Variants in COG5 observed in about 807,000 individuals in gnomAD.
COG5 encodes the protein conserved oligomeric Golgi complex subunit 5.
Under a neutral mutation model 110.4 loss-of-function variants are expected in COG5, and 86 were observed. That is an observed-to-expected ratio of 0.78 (90% CI 0.65 to 0.93). The LOEUF (loss-of-function observed/expected upper bound fraction) is 0.93. Ranked by LOEUF, COG5 falls within the 40% of genes least tolerant of loss-of-function variation. COG5 has a pLI of 0.00. For synonymous variants in COG5, 360 were observed against 334.6 expected, an observed-to-expected ratio of 1.08 and a Z score of -0.83; for missense variants, 1,077 against 987.0, an observed-to-expected ratio of 1.09 and a Z score of -1.22.
chr7:107,537,290 G>A (rs143234263), intron 5 of COG5, among the ~76,000 whole-genome samples: 31 of 152,204 alleles, frequency 2.0e-4, no homozygotes, highest in African/African-American at 6.0e-4. Context: ...ACACACACAC[G>A]TATGTTTACT....
chr7:107,356,301 T>C (rs1425308596), intron 10 of COG5, among the ~76,000 whole-genome samples: 2 of 152,262 alleles, frequency 1.3e-5, no homozygotes, highest in African/African-American at 2.4e-5. Flanking sequence ...ATTTTCCTAC[T>C]TGATATGGAA....
At chr7:107,467,792 T>G (rs1020276651) in intron 6 of COG5, among the ~76,000 whole-genome samples, 11 of 152,312 alleles carry the variant, frequency 7.2e-5, no homozygotes, top group Admixed American at 5.9e-4. Context: ...CAATTTGTGG[T>G]TTTTAAAAAG....
chr7:107,457,651 G>A (rs1272707222), intron 6 of COG5, among the ~76,000 whole-genome samples: 1 of 151,866 alleles, frequency 6.6e-6, no homozygotes, highest in Non-Finnish European at 1.5e-5. Context: ...GGATGGTCTC[G>A]ATCTCCTGAA....
Position 107,522,620 on chromosome 7 carries a change from G to T in COG5, c.538+4617C>A, listed in dbSNP as rs111939305. On this transcript the variant is annotated intron_variant, in intron 6 of 21. Coordinates refer to ENST00000297135, the MANE Select transcript of COG5 (RefSeq NM_006348.5). The stretch of plus-strand genomic sequence containing the variant: ...TTAAAAATTTAAGAAAAGAAGAAAA[G>T]AAAAAAATAAAAATAAAAATAAAAA... Among the ~76,000 whole-genome samples the T allele has an allele frequency of 8.3e-3, 1,263 of 151,430 alleles. 20 individuals carry two copies. The highest frequency in any genetic ancestry group is 0.027 in the African/African-American group (1,102 of 41,334).
rs541491023 is a variant in COG5, at chr7:107,391,236, TG to T, written c.670-18477del. Reference sequence around the variant, plus strand: ...GTTGCAACTGTTTATGGCACTCTCCTGGGAGTCTGTAAGCTGCCTGGACCCT... The same window carrying T: ...GTTGCAACTGTTTATGGCACTCTCCTGGAGTCTGTAAGCTGCCTGGACCCT... On this transcript the variant is annotated intron_variant, in intron 7 of 21. Coordinates refer to ENST00000297135, the MANE Select transcript of COG5 (RefSeq NM_006348.5). 2.0e-3 allele frequency among the ~76,000 whole-genome samples: 301 copies of T among 152,256 alleles called. 2 individuals are homozygous for T. The highest frequency in any genetic ancestry group is 6.8e-3 in the African/African-American group (284 of 41,552).
At chr7:107,447,224 C>T (rs917791792) in intron 6 of COG5, among the ~76,000 whole-genome samples, 1 of 152,140 alleles carries the variant, frequency 6.6e-6, no homozygotes, top group Non-Finnish European at 1.5e-5. Context: ...CTCTGAACAC[C>T]CTTCTGCCTC....
chr7:107,371,214 A>G (rs1488790428), intron 8 of COG5, among the ~76,000 whole-genome samples: 2 of 152,182 alleles, frequency 1.3e-5, no homozygotes, highest in Non-Finnish European at 2.9e-5. Flanking sequence ...AAGACCTAAG[A>G]TTCTTTCATC....
At chr7:107,550,611 C>G (rs1422433033) in intron 3 of COG5, among the ~76,000 whole-genome samples, 1 of 152,200 alleles carries the variant, frequency 6.6e-6, no homozygotes, top group Non-Finnish European at 1.5e-5. Context: ...ATCATTAGAT[C>G]TTGGCTCAAA....
intron 7 of COG5, among the ~76,000 whole-genome samples, chr7:107,389,499 A>C (rs1790457466): frequency 6.6e-6 from 1 of 152,226 alleles, no homozygotes; most frequent in South Asian, 2.1e-4. Context: ...GTGGCCTCAA[A>C]CCAGGTAATA....
intron 10 of COG5, among the ~76,000 whole-genome samples, chr7:107,326,163 A>G (rs566283205): frequency 3.3e-5 from 5 of 152,320 alleles, no homozygotes; most frequent in African/African-American, 1.2e-4. Flanking sequence ...CATCAACATA[A>G]TAAGGGCCAC....
At chr7:107,338,506 G>T (rs1810900758) in intron 10 of COG5, among the ~76,000 whole-genome samples, 1 of 152,038 alleles carries the variant, frequency 6.6e-6, no homozygotes, top group African/African-American at 2.4e-5. Flanking sequence ...TAACTTAAAA[G>T]ATTAGACTTA....
chr7:107,432,527 C>CA (rs1470515071), intron 6 of COG5, among the ~76,000 whole-genome samples: 2 of 152,018 alleles, frequency 1.3e-5, no homozygotes, highest in African/African-American at 4.8e-5. Context: ...AGGAAAATAC[C>CA]ATAATGCTTA....
At chr7:107,470,241 C>T (rs529908746) in intron 6 of COG5, 205 of 152,330 alleles carry the variant, frequency 1.3e-3, no homozygotes, top group African/African-American at 4.0e-3. Flanking sequence ...CTGCAGCAGC[C>T]TCTAAGCAGC....
chr7:107,258,187 G>A, intron 15 of COG5, 86 bp downstream of exon 15: 1 of 781,174 alleles, frequency 1.3e-6, no homozygotes, highest in Non-Finnish European at 2.2e-6. Context: ...CTTTTCCAAA[G>A]TACTAAATAA....
intron 6 of COG5, among the ~76,000 whole-genome samples, chr7:107,439,406 G>A (rs544215059): frequency 3.9e-5 from 6 of 152,106 alleles, no homozygotes; most frequent in East Asian, 1.9e-4. Context: ...CCGTTTTCTC[G>A]AGCCCATTAT....
intron 6 of COG5, chr7:107,475,663 T>TA (rs1796932520): frequency 4.5e-6 from 1 of 221,506 alleles, no homozygotes; most frequent in Admixed American, 5.6e-5. Context: ...TAAAACAGTG[T>TA]ATAACTTTAA....
At chr7:107,286,621 G>A (rs1458382350) in intron 12 of COG5, among the ~76,000 whole-genome samples, 1 of 152,144 alleles carries the variant, frequency 6.6e-6, no homozygotes, top group Non-Finnish European at 1.5e-5. Flanking sequence ...TTCTACTTGT[G>A]CAACTCTTCA....
At chr7:107,443,592 G>GAT (rs2129087989) in intron 6 of COG5, among the ~76,000 whole-genome samples, 1 of 152,246 alleles carries the variant, frequency 6.6e-6, no homozygotes, top group South Asian at 2.1e-4. Flanking sequence ...GAAGTATTAT[G>GAT]ATAGAGGAGA....
intron 6 of COG5, among the ~76,000 whole-genome samples, chr7:107,511,240 AC>A (rs1563075019): frequency 6.6e-6 from 1 of 152,204 alleles, no homozygotes; most frequent in Non-Finnish European, 1.5e-5. Context: ...AGAAATACAA[AC>A]TACCATCACA....
Sources: allele counts gnomAD v4.1 joint callset (sites outside exome capture counted in the v4.1 genomes callset), GRCh38; gene constraint gnomAD v4.1.1; transcripts MANE v1.5; gene names NCBI Gene and HGNC (gene_info 2026-07-23, HGNC 2026-07-21).